EPHB1: variants seen among roughly 807,000 people sequenced by gnomAD.
EPHB1 encodes ephrin type-B receptor 1.
A neutral mutation model predicts 94.4 loss-of-function variants in EPHB1; 30 were observed. The ratio of observed to expected loss-of-function variants is 0.32; its 90% confidence interval spans 0.24 to 0.43. The LOEUF (loss-of-function observed/expected upper bound fraction) is 0.43. Ranked by LOEUF, EPHB1 falls within the 20% of genes least tolerant of loss-of-function variation. The pLI is 1.00. For missense variants in EPHB1, 1,055 were observed against 1,308.3 expected (o/e 0.81, Z 2.99); for synonymous variants, 522 against 489.1 (o/e 1.07, Z -0.89).
At chr3:134,912,556 G>A (rs1048753295) in intron 1 of EPHB1, among the ~76,000 whole-genome samples, 1 of 152,214 alleles carries the variant, frequency 6.6e-6, no homozygotes, top group African/African-American at 2.4e-5. Context: ...CTTTGCTGCT[G>A]GATTGGCAGA....
intron 3 of EPHB1, among the ~76,000 whole-genome samples, chr3:135,048,020 C>T (rs578187256): frequency 6.6e-6 from 1 of 152,086 alleles, no homozygotes; most frequent in East Asian, 1.9e-4. Context: ...ATGGAGAGAG[C>T]AGATATTGAC....
intron 2 of EPHB1, among the ~76,000 whole-genome samples, chr3:134,937,312 C>T (rs940384621): frequency 6.6e-6 from 1 of 152,254 alleles, no homozygotes; most frequent in African/African-American, 2.4e-5. Context: ...CATTCCCACC[C>T]AATTGGGAGA....
chr3:135,034,242 G>C (rs1385528541), intron 3 of EPHB1, among the ~76,000 whole-genome samples: 1 of 152,176 alleles, frequency 6.6e-6, no homozygotes, highest in Non-Finnish European at 1.5e-5. Context: ...ACTATGCAAA[G>C]ATATATTGAC....
chr3:134,923,182 T>C (rs2038722822), intron 1 of EPHB1, among the ~76,000 whole-genome samples: 3 of 152,282 alleles, frequency 2.0e-5, no homozygotes, highest in African/African-American at 7.2e-5. Flanking sequence ...CAAATATGCA[T>C]GGGGCACGAC....
At chr3:134,798,395 G>A (rs1318993866) in intron 1 of EPHB1, among the ~76,000 whole-genome samples, 1 of 152,088 alleles carries the variant, frequency 6.6e-6, no homozygotes, top group East Asian at 1.9e-4. Context: ...AGGGGAGGGG[G>A]CTCAAATTCT....
In EPHB1 at chr3:134,864,311, C is replaced by T. The variant is rs539664497; in HGVS notation, c.59-61505C>T. ...CAAAGGCCAGGGGTCTCATTCCAGG[C>T]CATTTGGAAGTGTCTTGACTTCAGA... On this transcript the variant is annotated intron_variant, in intron 1 of 15. Transcript: ENST00000398015. 2.6e-5 allele frequency among the ~76,000 whole-genome samples: 4 copies of T among 152,286 alleles called. No homozygotes were observed. The East Asian group carries it at 7.7e-4, about 29-fold the overall frequency.
intron 1 of EPHB1, among the ~76,000 whole-genome samples, chr3:134,836,531 G>A (rs1378226831): frequency 6.6e-6 from 1 of 152,144 alleles, no homozygotes; most frequent in African/African-American, 2.4e-5. Context: ...CTTTGGTGAA[G>A]TTTTAAAAAC....
intron 12 of EPHB1, among the ~76,000 whole-genome samples, chr3:135,229,217 C>T (rs1327417364): frequency 6.6e-6 from 1 of 152,220 alleles, no homozygotes; most frequent in African/African-American, 2.4e-5. Flanking sequence ...CACTGGCACA[C>T]TCTGCCAGCA....
chr3:135,007,265 T>C (rs1935453051), intron 3 of EPHB1, among the ~76,000 whole-genome samples: 1 of 152,192 alleles, frequency 6.6e-6, no homozygotes, highest in Non-Finnish European at 1.5e-5. Flanking sequence ...AGAGCCTGGG[T>C]ACACAGCTAA....
intron 3 of EPHB1, among the ~76,000 whole-genome samples, chr3:134,953,595 C>G (rs981246740): frequency 6.6e-6 from 1 of 152,240 alleles, no homozygotes; most frequent in African/African-American, 2.4e-5. Flanking sequence ...ACAGGTGCAG[C>G]AGCTTCCCGG....
rs539570347 is a variant in EPHB1, at chr3:135,104,064, A to G, written c.806-2384A>G. Among the ~76,000 whole-genome samples the G allele has an allele frequency of 8.5e-5, 13 of 152,326 alleles. No individual in the cohort carries two copies. The South Asian group carries it at 2.3e-3, about 27-fold the overall frequency. On this transcript the variant is annotated intron_variant, in intron 3 of 15. Transcript: ENST00000398015. ...ACTGGTACATTAAGAAAATTACAGCATGGCAGGGGCCAAATATGAATGCTT... is the reference window on the plus strand; with the variant it reads ...ACTGGTACATTAAGAAAATTACAGCGTGGCAGGGGCCAAATATGAATGCTT...
chr3:134,954,842 C>T (rs1030607754), intron 3 of EPHB1, among the ~76,000 whole-genome samples: 2 of 152,130 alleles, frequency 1.3e-5, no homozygotes, highest in Non-Finnish European at 2.9e-5. Context: ...GGTGACCAGT[C>T]GCTTGGCTGT....
At position 134,795,339 on chromosome 3, in the gene EPHB1, C is replaced by G. The variant is rs1578089371; in HGVS notation, c.-293C>G. On this transcript the variant is annotated 5_prime_UTR_variant, in exon 1 of 16. Coordinates refer to ENST00000398015, the MANE Select transcript of EPHB1 (RefSeq NM_004441.5). ...CAGGACGCACTCGCTCTCGCGCGCT[C>G]TCCCAGGCTCGTTCTCCCTCGCCCT... 1 of 492,118 alleles carries G rather than the reference C, an allele frequency of 2.0e-6. No homozygotes were observed. The highest frequency in any genetic ancestry group is 3.7e-5 in the East Asian group (1 of 27,098). 30.5% of individuals were successfully genotyped at this position (492,118 alleles called of 1,614,324 possible).
intron 4 of EPHB1, among the ~76,000 whole-genome samples, chr3:135,129,845 A>T (rs1280399869): frequency 6.6e-6 from 1 of 152,184 alleles, no homozygotes; most frequent in Non-Finnish European, 1.5e-5. Context: ...AGAGGGAAAA[A>T]CATTGTGTAG....
At chr3:135,031,978 A>G (rs1936488237) in intron 3 of EPHB1, among the ~76,000 whole-genome samples, 2 of 151,492 alleles carry the variant, frequency 1.3e-5, no homozygotes, top group Admixed American at 6.6e-5. Flanking sequence ...AATTTTCCTT[A>G]TTTTGTTTTT....
At chr3:135,040,235 ACTTTC>A (rs1936789970) in intron 3 of EPHB1, among the ~76,000 whole-genome samples, 1 of 152,178 alleles carries the variant, frequency 6.6e-6, no homozygotes, top group African/African-American at 2.4e-5. Context: ...GGGTAATAAT[ACTTTC>A]CTTTCAGGAG....
chr3:134,904,631 C>G (rs1331301385), intron 1 of EPHB1, among the ~76,000 whole-genome samples: 2 of 152,176 alleles, frequency 1.3e-5, no homozygotes, highest in African/African-American at 4.8e-5. Context: ...TACCTCCTCA[C>G]CAAGGGGCTA....
chr3:135,128,579 G>C (rs1050516086), intron 4 of EPHB1, among the ~76,000 whole-genome samples: 40 of 152,300 alleles, frequency 2.6e-4, no homozygotes, highest in African/African-American at 8.9e-4. Flanking sequence ...ATAAGAGACA[G>C]ACAGAACCCA....
At chr3:134,942,638 A>G (rs1453633896) in intron 2 of EPHB1, among the ~76,000 whole-genome samples, 2 of 152,148 alleles carry the variant, frequency 1.3e-5, no homozygotes, top group Non-Finnish European at 2.9e-5. Flanking sequence ...AGTCTGGGGT[A>G]TTGGGGAGAG....
Sources: gnomAD v4.1 joint callset for allele counts (sites outside exome capture counted in the v4.1 genomes callset) on GRCh38, gnomAD v4.1.1 for gene constraint, MANE v1.5 for transcripts, NCBI Gene and HGNC (gene_info 2026-07-23, HGNC 2026-07-21) for gene names.